CMSS1: variants seen among roughly 807,000 people sequenced by gnomAD.
The protein encoded by CMSS1 is cms1 ribosomal small subunit homolog.
CMSS1 carries 33 observed loss-of-function variants against 43.5 expected under a neutral mutation model. That is an observed-to-expected ratio of 0.76 (90% CI 0.57 to 1.01). The LOEUF (loss-of-function observed/expected upper bound fraction) is 1.01. CMSS1 is among the 50% of genes least tolerant of loss of function. The probability of loss-of-function intolerance (pLI) is 0.00; values close to 1 mark genes in which losing one functional copy is unlikely to be tolerated. For missense variants in CMSS1, 313 were observed against 326.4 expected, an observed-to-expected ratio of 0.96 and a Z score of 0.32; for synonymous variants, 115 against 117.2, an observed-to-expected ratio of 0.98 and a Z score of 0.12.
intron 1 of CMSS1, among the ~76,000 whole-genome samples, chr3:99,903,750 G>A (rs2107630261): frequency 6.6e-6 from 1 of 152,196 alleles, no homozygotes; most frequent in Middle Eastern, 3.4e-3. Context: ...GGGCTGGTTG[G>A]ATCAGTGACG....
chr3:99,915,528 G>T (rs1004855179), intron 1 of CMSS1, among the ~76,000 whole-genome samples: 3 of 151,972 alleles, frequency 2.0e-5, no homozygotes, highest in Admixed American at 1.3e-4. Flanking sequence ...TCTTGATTTC[G>T]CATATTTGGA....
At chr3:100,070,946 G>T (rs1192065514) in intron 1 of CMSS1, among the ~76,000 whole-genome samples, 1 of 151,970 alleles carries the variant, frequency 6.6e-6, no homozygotes, top group Non-Finnish European at 1.5e-5. Context: ...TTTTCTTTGT[G>T]TATGATTTTC....
At chr3:99,969,294 G>T (rs1184325936) in intron 1 of CMSS1, among the ~76,000 whole-genome samples, 1 of 152,186 alleles carries the variant, frequency 6.6e-6, no homozygotes, top group East Asian at 1.9e-4. Flanking sequence ...GAAGGATGTA[G>T]CCTTGTTTGG....
At chr3:100,094,772 C>T (rs1404563498) in intron 1 of CMSS1, among the ~76,000 whole-genome samples, 6 of 149,196 alleles carry the variant, frequency 4.0e-5, no homozygotes, top group Admixed American at 6.8e-5. Context: ...CAAGCTCTGC[C>T]TCCCGGGTTC....
intron 1 of CMSS1, among the ~76,000 whole-genome samples, chr3:99,852,733 CG>C (rs1176822248): frequency 6.6e-6 from 1 of 152,054 alleles, no homozygotes; most frequent in African/African-American, 2.4e-5. Flanking sequence ...TGTGAGCCAC[CG>C]TGCCGGCTGA....
intron 1 of CMSS1, among the ~76,000 whole-genome samples, chr3:100,120,229 T>A (rs1334589594): frequency 6.6e-6 from 1 of 152,202 alleles, no homozygotes; most frequent in East Asian, 1.9e-4. Context: ...TTGATGTCAT[T>A]ATGTAATGCT....
At chr3:99,822,083 C>T (rs1247847563) in intron 1 of CMSS1, among the ~76,000 whole-genome samples, 1 of 152,030 alleles carries the variant, frequency 6.6e-6, no homozygotes, top group Non-Finnish European at 1.5e-5. Context: ...TGATCATTTA[C>T]TCACTGAAGA....
chr3:99,832,586 T>C (rs1942716057), intron 1 of CMSS1, among the ~76,000 whole-genome samples: 1 of 140,206 alleles, frequency 7.1e-6, no homozygotes, highest in Admixed American at 7.0e-5. Context: ...CTCATACCTG[T>C]AATCCCAGCA....
intron 1 of CMSS1, among the ~76,000 whole-genome samples, chr3:99,984,054 GTGTGTT>G (rs1709256773): frequency 6.6e-6 from 1 of 151,782 alleles, no homozygotes; most frequent in Admixed American, 6.6e-5. Flanking sequence ...GTATATGTAT[GTGTGTT>G]TGTGTGTGTG....
chr3:100,129,505 C>T (rs938416414), intron 1 of CMSS1, among the ~76,000 whole-genome samples: 32 of 152,122 alleles, frequency 2.1e-4, no homozygotes, highest in African/African-American at 6.8e-4. Flanking sequence ...TTAAGTCACA[C>T]AAAACAGTAA....
chr3:99,987,921 T>G (rs917921087), intron 1 of CMSS1, among the ~76,000 whole-genome samples: 16 of 152,218 alleles, frequency 1.1e-4, no homozygotes, highest in African/African-American at 3.9e-4. Context: ...TCTCATCCTG[T>G]TGGATTCTTG....
intron 1 of CMSS1, among the ~76,000 whole-genome samples, chr3:100,093,683 A>G (rs2066153066): frequency 6.6e-6 from 1 of 152,172 alleles, no homozygotes. Flanking sequence ...TTCACCTTTT[A>G]TAGCCACAAC....
intron 1 of CMSS1, among the ~76,000 whole-genome samples, chr3:100,053,972 A>G (rs143908850): frequency 6.6e-6 from 1 of 152,342 alleles, no homozygotes; most frequent in African/African-American, 2.4e-5. Context: ...CAAATTCTAT[A>G]CTTTGTTCTT....
intron 1 of CMSS1, among the ~76,000 whole-genome samples, chr3:100,075,824 C>A (rs1576025602): frequency 6.6e-6 from 1 of 152,154 alleles, no homozygotes; most frequent in East Asian, 1.9e-4. Flanking sequence ...TATCTCTGAG[C>A]TTGACTTTTC....
chr3:100,074,697 T>TTTTTTTTTC, intron 1 of CMSS1, among the ~76,000 whole-genome samples: 1 of 113,380 alleles, frequency 8.8e-6, no homozygotes, highest in Non-Finnish European at 1.8e-5. Flanking sequence ...TTTTTTTTTT[T>TTTTTTTTTC]TTTTTTTTTT....
chr3:100,021,940 TGTGTGTGTGTGTGTGTGTGTGA>T, intron 1 of CMSS1, among the ~76,000 whole-genome samples: 1 of 127,254 alleles, frequency 7.9e-6, no homozygotes, highest in Non-Finnish European at 1.7e-5. Flanking sequence ...TGTGTGTGTG[TGTGTGTGTGTGTGTGTGTGTGA>T]GAGAGAGAGA....
chr3:99,867,396 A>G (rs1212099926), intron 1 of CMSS1, among the ~76,000 whole-genome samples: 2 of 152,206 alleles, frequency 1.3e-5, no homozygotes, highest in Non-Finnish European at 2.9e-5. Context: ...AAGGCAAACT[A>G]TCTCAGGTTT....
At position 100,014,288 on chromosome 3, in the gene CMSS1, T is replaced by C. The variant is rs966166402; in HGVS notation, c.65-132685T>C. ...TCCACATCTTGACTGTTATGAATAA[T>C]GCTGCAATGAATATGAGAATGTAGA... On this transcript the variant is annotated intron_variant, in intron 1 of 9. Coordinates refer to ENST00000421999, the MANE Select transcript of CMSS1 (RefSeq NM_032359.4). Among the ~76,000 whole-genome samples the C allele has an allele frequency of 2.0e-5, 3 of 152,080 alleles. No individual in the cohort carries two copies. The South Asian group carries it at 6.2e-4, about 32-fold the overall frequency.
chr3:99,885,130 T>C (rs938916809), intron 1 of CMSS1, among the ~76,000 whole-genome samples: 11 of 152,240 alleles, frequency 7.2e-5, no homozygotes, highest in Non-Finnish European at 1.3e-4. Flanking sequence ...CTGATTTCTT[T>C]TTGAACATAA....
Sources: allele counts gnomAD v4.1 joint callset (sites outside exome capture counted in the v4.1 genomes callset), GRCh38; gene constraint gnomAD v4.1.1; transcripts MANE v1.5; gene names NCBI Gene and HGNC (gene_info 2026-07-23, HGNC 2026-07-21).